Variants in NEB observed in about 807,000 individuals in gnomAD.
The protein encoded by NEB is nemaline myopathy type 2.
Under a neutral mutation model 952.2 loss-of-function variants are expected in NEB, and 512 were observed. That is an observed-to-expected ratio of 0.54 (90% CI 0.50 to 0.58). The LOEUF (loss-of-function observed/expected upper bound fraction) is 0.58. Ranked by LOEUF, NEB falls within the 20% of genes least tolerant of loss-of-function variation. NEB has a pLI of 0.00. For synonymous variants in NEB, 2,900 were observed against 3,149.8 expected (o/e 0.92, Z 2.66); for missense variants, 8,428 against 9,231.1 (o/e 0.91, Z 3.56).
rs1344066279 is a variant in NEB at position 151,706,936 on chromosome 2, G to T, written c.1097C>A (p.Ala366Asp). The change falls in exon 13 of 182, where the codon GCT becomes GAT. Residue 366 changes from alanine to aspartate, a missense_variant. Ala to Asp is a moderately radical substitution (Grantham distance 126). This residue lies in a region of NEB where 2,851 missense variants were observed against 2,791.5 expected (regional missense o/e 1.02). Coordinates refer to ENST00000397345, the MANE Select transcript of NEB (RefSeq NM_001164508.2). The part of the protein sequence containing the change: ...KGKADYNVLP[A>D]SENPQLRQLK... ...CTGCCTAAGCTGTGGGTTCTCTGAAGCAGGAAGCACATTATAATCTGCTTT... is the reference window on the plus strand; with the variant it reads ...CTGCCTAAGCTGTGGGTTCTCTGAATCAGGAAGCACATTATAATCTGCTTT... The T allele has an allele frequency of 1.9e-6, 3 of 1,606,280 alleles. No individual in the cohort carries two copies. The highest frequency in any genetic ancestry group is 2.6e-6 in the Non-Finnish European group (3 of 1,175,852).
Position 151,666,303 on chromosome 2 carries a change from G to A in NEB, c.4818C>T (p.Ala1606=). 2 of 1,613,844 alleles carry A rather than the reference G, an allele frequency of 1.2e-6. No homozygotes were observed. The highest frequency in any genetic ancestry group is 1.7e-6 in the Non-Finnish European group (2 of 1,179,838). ...DPKLVHYMNV[A]KIQSDREYKK... is the part of the protein sequence containing the mutation. ...TGTACTCACGATCAGACTGGATTTT[G>A]GCCACATTCATGTAGTGAACCAGTT... The change falls in exon 41 of 182, where the codon GCC becomes GCT. Residue 1606 remains alanine (A), a synonymous_variant. Coordinates refer to ENST00000397345, the MANE Select transcript of NEB (RefSeq NM_001164508.2).
intron 129 of NEB, among the ~76,000 whole-genome samples, chr2:151,550,614 C>G (rs898104910): frequency 6.6e-6 from 1 of 152,070 alleles, no homozygotes; most frequent in Non-Finnish European, 1.5e-5. Context: ...TTAAGAATTA[C>G]ATTTAAAATA....
intron 17 of NEB, 55 bp downstream of exon 17, chr2:151,696,582 G>A: frequency 7.6e-7 from 1 of 1,319,120 alleles, no homozygotes; most frequent in Non-Finnish European, 1.1e-6. Flanking sequence ...TATGTATAGA[G>A]TTATGAAATG....
At position 151,679,790 on chromosome 2, in the gene NEB, C is replaced by T; in HGVS notation, c.3186G>A (p.Lys1062=). 6.2e-7 allele frequency: 1 copy of T among 1,613,852 alleles called. No homozygotes were observed. The highest frequency in any genetic ancestry group is 8.5e-7 in the Non-Finnish European group (1 of 1,179,828). Residue 1062 remains lysine, a synonymous_variant, in exon 32 of 182, where the codon AAG becomes AAA. Transcript: ENST00000397345. ...TCGCATCAGTTCTCAGGTCATATCC[C>T]TTCTTGCTCAAGTCTTTCAAGTCTG... ...YKADLKDLSK[K]GYDLRTDAIP...
At chr2:151,689,833 G>C (rs2099533332) in intron 24 of NEB, 1 of 152,192 alleles carries the variant, frequency 6.6e-6, no homozygotes, top group South Asian at 2.1e-4. Context: ...GCTCAGAAAA[G>C]TGGCACACGA....
chr2:151,734,445 T>C lies in NEB; in HGVS notation c.-161A>G, dbSNP rs150273794. 2.8e-4 allele frequency: 42 copies of C among 152,080 alleles called. No homozygotes were observed. The highest frequency in any genetic ancestry group is 9.9e-4 in the African/African-American group (41 of 41,478). The allele number at this position is 152,080 out of a possible 1,614,324, so 9.4% of individuals were successfully genotyped here. On this transcript the variant is annotated 5_prime_UTR_variant, in exon 1 of 182. Transcript: ENST00000397345. ...CCTCAGCAGCAAAGCCTCTCCCAACTCTCCCCTCCTGAGAACCCCAGGCAA... is the reference window on the plus strand; with the variant it reads ...CCTCAGCAGCAAAGCCTCTCCCAACCCTCCCCTCCTGAGAACCCCAGGCAA...
intron 20 of NEB, among the ~76,000 whole-genome samples, chr2:151,692,976 C>A (rs888756136): frequency 7.9e-5 from 12 of 151,938 alleles, no homozygotes; most frequent in African/African-American, 2.9e-4. Context: ...TCTCAAAAAA[C>A]AAAGAAGGAA....
intron 73 of NEB, among the ~76,000 whole-genome samples, chr2:151,618,684 T>A (rs939886900): frequency 1.3e-5 from 2 of 152,182 alleles, no homozygotes; most frequent in Non-Finnish European, 2.9e-5. Context: ...ACAGCAAGAA[T>A]GATAAAAGAT....
chr2:151,532,075 T>C (rs2091463920), intron 143 of NEB, 179 bp from the exon 144 acceptor site: 1 of 551,756 alleles, frequency 1.8e-6, no homozygotes, highest in African/African-American at 1.9e-5. Context: ...AGTGAGCAGA[T>C]GATACTACTA....
chr2:151,647,244 G>A (rs1230888146), intron 54 of NEB, among the ~76,000 whole-genome samples: 1 of 151,938 alleles, frequency 6.6e-6, no homozygotes, highest in Admixed American at 6.6e-5. Context: ...CCAAGTAGCT[G>A]GGATTACAGG....
intron 146 of NEB, 82 bp downstream of exon 146, chr2:151,529,128 T>G (rs2088753436): frequency 2.2e-6 from 2 of 907,374 alleles, no homozygotes; most frequent in Admixed American, 1.9e-5. Flanking sequence ...CTGAATTGCC[T>G]GAAGAGATGT....
Position 151,567,231 on chromosome 2 carries a change from C to A in NEB, c.18093G>T (p.Trp6031Cys). 6.2e-7 allele frequency: 1 copy of A among 1,613,792 alleles called. No homozygotes were observed. The highest frequency in any genetic ancestry group is 8.5e-7 in the Non-Finnish European group (1 of 1,179,768). Residue 6031 changes from tryptophan (W) to cysteine (C), a missense_variant, in exon 114 of 182, where the codon TGG (tryptophan) becomes TGT (cysteine). By Grantham distance (215) the Trp-to-Cys change is radical (BLOSUM62 -2). Coordinates refer to ENST00000397345, the MANE Select transcript of NEB (RefSeq NM_001164508.2). ...CATCGTTCTGGTCAGGATGACACAT[C>A]CATTGGTGCAAGTAATTACGATAAT... Reference protein sequence around the residue: ...DIDYRNYLHQWMCHPDQNDVI... With the variant: ...DIDYRNYLHQCMCHPDQNDVI...
intron 9 of NEB, among the ~76,000 whole-genome samples, chr2:151,718,367 C>G (rs541588943): frequency 6.6e-6 from 1 of 152,136 alleles, no homozygotes; most frequent in Non-Finnish European, 1.5e-5. Flanking sequence ...GGGCTCTGTG[C>G]CCAATACTCT....
At chr2:151,548,222 A>C (rs2153622535) in intron 131 of NEB, 86 bp downstream of exon 131, 1 of 1,115,638 alleles carries the variant, frequency 9.0e-7, no homozygotes, top group South Asian at 1.4e-5. Context: ...TTTACAACTG[A>C]AATAAGATTA....
chr2:151,654,045 C>G lies in NEB; in HGVS notation c.6862G>C (p.Val2288Leu), dbSNP rs770859806. Residue 2288 changes from valine to leucine, a missense_variant, in exon 52 of 182, where the codon GTT becomes CTT. Physicochemically the swap from Val to Leu is conservative, Grantham distance 32 (BLOSUM62 1). Coordinates refer to ENST00000397345, the MANE Select transcript of NEB (RefSeq NM_001164508.2). The stretch of plus-strand genomic sequence containing the variant: ...GCTAGCTGTACAGAAATTGCATCAA[C>G]TGGGAGATCATAGCCTTTCTTCAAA... ...EALKKGYDLP[V>L]DAISVQLAKA... 2.3e-5 allele frequency: 37 copies of G among 1,612,562 alleles called. No homozygotes were observed. In the South Asian group the frequency reaches 4.0e-4, roughly 17 times the overall value.
chr2:151,665,204 TC>T, intron 42 of NEB, 128 bp downstream of exon 42: 1 of 814,630 alleles, frequency 1.2e-6, no homozygotes. Flanking sequence ...AGCAATAGAG[TC>T]CCCCTCCCAC....
Position 151,490,093 on chromosome 2 carries a change from C to T in NEB, c.25298-16G>A. ...TGTTTGTAAGCTGAAAAAAAGGGGGCAAATTCTTTATAAGAAGAAAAATGG... is the reference window on the plus strand; with the variant it reads ...TGTTTGTAAGCTGAAAAAAAGGGGGTAAATTCTTTATAAGAAGAAAAATGG... On this transcript the variant is annotated splice_polypyrimidine_tract_variant and intron_variant, in intron 180 of 181. Transcript: ENST00000397345. 1.3e-6 allele frequency: 2 copies of T among 1,571,846 alleles called. No individual in the cohort carries two copies. Among genetic ancestry groups the T allele is most frequent in the Non-Finnish European group, 8.7e-7 (1 of 1,149,308 alleles).
At chr2:151,543,963 C>T (rs1260748934) in intron 135 of NEB, among the ~76,000 whole-genome samples, 2 of 152,220 alleles carry the variant, frequency 1.3e-5, no homozygotes, top group Non-Finnish European at 2.9e-5. Context: ...TTGGCCATCA[C>T]ACTTTTTACT....
At chr2:151,674,425 A>T in intron 36 of NEB, 52 bp downstream of exon 36, 2 of 1,329,430 alleles carry the variant, frequency 1.5e-6, no homozygotes. Flanking sequence ...CAAGCATTTG[A>T]TTACTTTTCA....
Sources: allele counts gnomAD v4.1 joint callset (sites outside exome capture counted in the v4.1 genomes callset), GRCh38; gene constraint gnomAD v4.1.1; regional missense constraint gnomAD v4.1.1; transcripts MANE v1.5; gene names NCBI Gene and HGNC (gene_info 2026-07-23, HGNC 2026-07-21).